Variants in BCL2L15 observed in about 807,000 individuals in gnomAD.
BCL2L15 encodes bcl-2-like protein 15.
BCL2L15 carries 15 observed loss-of-function variants against 18.3 expected under a neutral mutation model. The ratio of observed to expected loss-of-function variants is 0.82; its 90% CI spans 0.55 to 1.26. The LOEUF (loss-of-function observed/expected upper bound fraction) is 1.26. BCL2L15 is among the 50% of genes most tolerant of loss of function. BCL2L15 has a pLI of 0.00. For missense variants in BCL2L15, 180 were observed against 201.7 expected (o/e 0.89, Z 0.65); for synonymous variants, 58 against 68.5 (o/e 0.85, Z 0.76).
At chr1:113,887,214 T>C (rs1423827181) in intron 1 of BCL2L15, 35 bp downstream of exon 1, 1 of 1,598,450 alleles carries the variant, frequency 6.3e-7, no homozygotes, top group Non-Finnish European at 8.6e-7. Flanking sequence ...ATACTCTTAT[T>C]GACCTGCAAT....
At chr1:113,886,488 T>G in intron 2 of BCL2L15, 49 bp downstream of exon 2, 4 of 1,576,138 alleles carry the variant, frequency 2.5e-6, no homozygotes, top group Middle Eastern at 3.4e-4. Flanking sequence ...AAAGGAAGTT[T>G]GAAATAGAAA....
At chr1:113,882,025 A>G in intron 2 of BCL2L15, 28 bp from the exon 3 acceptor site, 3 of 1,592,116 alleles carry the variant, frequency 1.9e-6, no homozygotes, top group Non-Finnish European at 1.7e-6. Flanking sequence ...AAACATCAAC[A>G]GAGTATCACT....
At chr1:113,885,144 TGG>T (rs1161468137) in intron 2 of BCL2L15, among the ~76,000 whole-genome samples, 1 of 151,704 alleles carries the variant, frequency 6.6e-6, no homozygotes, top group African/African-American at 2.4e-5. Context: ...TTAGTAGAGA[TGG>T]GGTTTCACTA....
chr1:113,885,386 C>G (rs902899604), intron 2 of BCL2L15, among the ~76,000 whole-genome samples: 1 of 152,158 alleles, frequency 6.6e-6, no homozygotes, highest in Non-Finnish European at 1.5e-5. Context: ...ACTGCCCAAG[C>G]TGTGTATAGT....
At chr1:113,885,389 T>C (rs1666995563) in intron 2 of BCL2L15, among the ~76,000 whole-genome samples, 1 of 152,056 alleles carries the variant, frequency 6.6e-6, no homozygotes, top group Non-Finnish European at 1.5e-5. Flanking sequence ...GCCCAAGCTG[T>C]GTATAGTAGG....
Position 113,877,161 on chromosome 1 carries a change from A to G in BCL2L15, c.*3962T>C, listed in dbSNP as rs189531493. Among the ~76,000 whole-genome samples, 22 of 152,200 alleles carry G rather than the reference A, an allele frequency of 1.4e-4. No individual in the cohort carries two copies. The East Asian group carries it at 4.2e-3, about 29-fold the overall frequency. ...AGGAATATGAAACATAGGGAACAGT[A>G]GGAGGAGGGCAGCTTTAGTGACTGG... On this transcript the variant is annotated 3_prime_UTR_variant, in exon 4 of 4. Coordinates refer to ENST00000393316, the MANE Select transcript of BCL2L15 (RefSeq NM_001010922.3).
At position 113,877,434 on chromosome 1, in the gene BCL2L15, A is replaced by G. The variant is rs1290445761; in HGVS notation, c.*3689T>C. Among the ~76,000 whole-genome samples the G allele has an allele frequency of 1.3e-5, 2 of 152,110 alleles. No homozygotes were observed. The highest frequency in any genetic ancestry group is 2.9e-5 in the Non-Finnish European group (2 of 68,016). ...AAGTTGGTGTGAAATCATCACCCAT[A>G]AAATCACTACAATCAAGATAATGAA... On this transcript the variant is annotated 3_prime_UTR_variant, in exon 4 of 4. Coordinates refer to ENST00000393316, the MANE Select transcript of BCL2L15 (RefSeq NM_001010922.3).
In BCL2L15 at chr1:113,880,994, T is replaced by C. The variant is rs1666862546; in HGVS notation, c.*129A>G. On this transcript the variant is annotated 3_prime_UTR_variant, in exon 4 of 4. Coordinates refer to ENST00000393316, the MANE Select transcript of BCL2L15 (RefSeq NM_001010922.3). ...TTAACAATCAGTAAAAAATAACTTA[T>C]TCAGCTAAGTTCAGTTCTGATAAAA... The C allele has an allele frequency of 3.1e-5, 41 of 1,306,892 alleles. No individual in the cohort carries two copies. The South Asian group carries it at 5.0e-4, about 16-fold the overall frequency. 81.0% of individuals were successfully genotyped at this position (1,306,892 alleles called of 1,614,324 possible). A position where few individuals can be genotyped will look rare whatever the true frequency, so the allele number is the denominator to read the frequency against.
At chr1:113,885,380 C>T (rs1041397528) in intron 2 of BCL2L15, among the ~76,000 whole-genome samples, 21 of 152,142 alleles carry the variant, frequency 1.4e-4, no homozygotes, top group Non-Finnish European at 3.1e-4. Flanking sequence ...AGGCACACTG[C>T]CCAAGCTGTG....
intron 3 of BCL2L15, 63 bp downstream of exon 3, chr1:113,881,710 C>T (rs1297496711): frequency 3.3e-6 from 5 of 1,515,364 alleles, no homozygotes; most frequent in Non-Finnish European, 4.4e-6. Context: ...GAATTGGAAT[C>T]CCAGGTATTA....
chr1:113,883,467 G>A (rs1027720526), intron 2 of BCL2L15, among the ~76,000 whole-genome samples: 1 of 140,036 alleles, frequency 7.1e-6, no homozygotes, highest in Non-Finnish European at 1.5e-5. Flanking sequence ...GGGCGACAGC[G>A]CAAGACTCCG....
chr1:113,886,513 A>G, intron 2 of BCL2L15, 24 bp downstream of exon 2: 4 of 1,594,762 alleles, frequency 2.5e-6, no homozygotes, highest in Non-Finnish European at 3.4e-6. Flanking sequence ...AGCAGCAAAC[A>G]ATAGCATGAA....
chr1:113,878,413 C>G lies in BCL2L15; in HGVS notation c.*2710G>C, dbSNP rs1666779161. 1 of 152,354 alleles carries G rather than the reference C, an allele frequency of 6.6e-6. No individual in the cohort carries two copies. Among genetic ancestry groups the G allele is most frequent in the Non-Finnish European group, 1.5e-5 (1 of 68,046 alleles). 9.4% of individuals were successfully genotyped at this position (152,354 alleles called of 1,614,324 possible). ...CACTTAAGCTCTCCTAAGATAGAGT[C>G]TCTTAAAATACACAACACCTAGGCC... On this transcript the variant is annotated 3_prime_UTR_variant, in exon 4 of 4. Transcript: ENST00000393316.
At position 113,877,300 on chromosome 1, in the gene BCL2L15, GA is replaced by G. The variant is rs1666752202; in HGVS notation, c.*3822del. 6.7e-6 allele frequency among the ~76,000 whole-genome samples: 1 copy of G among 150,298 alleles called. No homozygotes were observed. Among genetic ancestry groups the G allele is most frequent in the Non-Finnish European group, 1.5e-5 (1 of 67,784 alleles). On this transcript the variant is annotated 3_prime_UTR_variant, in exon 4 of 4. Coordinates refer to ENST00000393316, the MANE Select transcript of BCL2L15 (RefSeq NM_001010922.3). ...TTTGAATATCAGACTGTTATTTGATGAACAGTAGGGAGCAGCTGAAGGTTTT... is the reference window on the plus strand; with the variant it reads ...TTTGAATATCAGACTGTTATTTGATGACAGTAGGGAGCAGCTGAAGGTTTT...
At chr1:113,883,732 G>A (rs556545822) in intron 2 of BCL2L15, among the ~76,000 whole-genome samples, 6 of 152,160 alleles carry the variant, frequency 3.9e-5, no homozygotes, top group Admixed American at 6.5e-5. Context: ...TGCAGTGAGC[G>A]GAGATCGTGC....
At chr1:113,886,215 GAAAAAAA>G (rs34346787) in intron 2 of BCL2L15, among the ~76,000 whole-genome samples, 2 of 95,318 alleles carry the variant, frequency 2.1e-5, no homozygotes, top group Admixed American at 1.2e-4. Flanking sequence ...GACCCTGTCT[GAAAAAAA>G]AAAAAAAAAA....
chr1:113,883,469 A>G (rs1401119332), intron 2 of BCL2L15, among the ~76,000 whole-genome samples: 3 of 142,406 alleles, frequency 2.1e-5, no homozygotes, highest in African/African-American at 8.6e-5. Flanking sequence ...GCGACAGCGC[A>G]AGACTCCGTC....
In BCL2L15 at chr1:113,887,401, C is replaced by G; in HGVS notation, c.-26G>C. 6.2e-7 allele frequency: 1 copy of G among 1,613,612 alleles called. No individual in the cohort carries two copies. The highest frequency in any genetic ancestry group is 1.1e-5 in the South Asian group (1 of 91,064). ...TTTAGATGTTTGCTGTCAAGTTTTG[C>G]TTTTCCACGAAACAAGCAGTTTTCA... On this transcript the variant is annotated 5_prime_UTR_variant, in exon 1 of 4. Transcript: ENST00000393316.
chr1:113,882,280 T>C (rs985170316), intron 2 of BCL2L15, among the ~76,000 whole-genome samples: 3 of 152,150 alleles, frequency 2.0e-5, no homozygotes, highest in African/African-American at 7.2e-5. Context: ...AAGAAAAATA[T>C]TAAGTATGTG....
Sources: gnomAD v4.1 joint callset for allele counts (sites outside exome capture counted in the v4.1 genomes callset) on GRCh38, gnomAD v4.1.1 for gene constraint, MANE v1.5 for transcripts, NCBI Gene and HGNC (gene_info 2026-07-23, HGNC 2026-07-21) for gene names.